Variants in OAF observed in about 807,000 individuals in gnomAD.
OAF encodes the protein out at first homolog.
In OAF, 13 loss-of-function variants were observed where a neutral mutation model predicts 22.5. The observed-to-expected ratio is 0.58, with a 90% CI of 0.38 to 0.92. OAF has a LOEUF of 0.92. Ranked by LOEUF, OAF falls within the 40% of genes least tolerant of loss-of-function variation. The probability of loss-of-function intolerance (pLI) is 0.00; values close to 1 mark genes in which losing one functional copy is unlikely to be tolerated. For synonymous variants in OAF, 175 were observed against 170.5 expected, an observed-to-expected ratio of 1.03 and a Z score of -0.21; for missense variants, 347 against 381.8, an observed-to-expected ratio of 0.91 and a Z score of 0.76.
rs530866177 is a variant in OAF, at chr11:120,227,336, G to A, written c.547+340G>A. On this transcript the variant is annotated intron_variant, in intron 3 of 3. Transcript: ENST00000328965. ...GGGAAGGCTTCCTGGAGGAAATGGA[G>A]CCTGTGTGATTATTCAGCGAGAAGA... Among the ~76,000 whole-genome samples the A allele has an allele frequency of 1.4e-3, 208 of 152,270 alleles. 2 individuals are homozygous for A. Among genetic ancestry groups the A allele is most frequent in the Non-Finnish European group, 3.1e-4 (21 of 68,008 alleles).
chr11:120,221,897 C>T (rs1400633723), intron 1 of OAF, among the ~76,000 whole-genome samples: 2 of 152,192 alleles, frequency 1.3e-5, no homozygotes, highest in East Asian at 3.9e-4. Flanking sequence ...GGACCCTATC[C>T]TGGGTCCTGA....
rs749433430 is a variant in OAF at position 120,226,882 on chromosome 11, G to A, written c.433G>A (p.Ala145Thr). The change falls in exon 3 of 4, where the codon GCT (alanine) becomes ACT (threonine). Residue 145 changes from alanine (A) to threonine (T), a missense_variant. Transcript: ENST00000328965. The stretch of plus-strand genomic sequence containing the variant: ...TCTGGAGCATCTGCACATGGATGTC[G>A]CTGTCAACTTCAGCCAGGGGGCCCT... ...RGLEHLHMDV[A>T]VNFSQGALLS... 1.9e-5 allele frequency: 30 copies of A among 1,612,390 alleles called. No homozygotes were observed. The highest frequency in any genetic ancestry group is 2.3e-5 in the Non-Finnish European group (27 of 1,178,902).
intron 2 of OAF, among the ~76,000 whole-genome samples, chr11:120,226,114 T>TC (rs1471593841): frequency 2.6e-5 from 4 of 152,150 alleles, no homozygotes; most frequent in Non-Finnish European, 5.9e-5. Context: ...CTCAGATTTC[T>TC]CCCATCTGGT....
chr11:120,227,659 C>A (rs1194165752), intron 3 of OAF, among the ~76,000 whole-genome samples: 1 of 152,162 alleles, frequency 6.6e-6, no homozygotes, highest in Non-Finnish European at 1.5e-5. Flanking sequence ...GCTGACCCCT[C>A]TCTGGGTACC....
chr11:120,213,378 A>T (rs1938175089), intron 1 of OAF, among the ~76,000 whole-genome samples: 1 of 152,102 alleles, frequency 6.6e-6, no homozygotes, highest in Non-Finnish European at 1.5e-5. Flanking sequence ...GAATCTCTAC[A>T]GTGGTTCAGA....
At chr11:120,214,492 T>A (rs1176468594) in intron 1 of OAF, among the ~76,000 whole-genome samples, 3 of 152,148 alleles carry the variant, frequency 2.0e-5, no homozygotes, top group Non-Finnish European at 4.4e-5. Context: ...CCTTGAGCTC[T>A]TCATCTTAAC....
chr11:120,225,664 G>A lies in OAF; in HGVS notation c.235G>A (p.Val79Met). 6.3e-7 allele frequency: 1 copy of A among 1,595,072 alleles called. No homozygotes were observed. Among genetic ancestry groups the A allele is most frequent in the Non-Finnish European group, 8.5e-7 (1 of 1,171,452 alleles). Residue 79 changes from valine to methionine, a missense_variant, in exon 2 of 4, where the codon GTG (valine) becomes ATG (methionine). Val to Met is a conservative substitution (Grantham distance 21). Coordinates refer to ENST00000328965, the MANE Select transcript of OAF (RefSeq NM_178507.4). ...CCATCCTCCTGCCCTTCTTCAGGAT[G>A]TGAAGGTCTTCCGGGCCCTGATCCT... ...VSFTADFKKDVKVFRALILGE... is the reference protein window; with the variant it reads ...VSFTADFKKDMKVFRALILGE...
intron 2 of OAF, 107 bp downstream of exon 2, chr11:120,225,902 C>T (rs1215107683): frequency 4.3e-6 from 4 of 937,280 alleles, no homozygotes; most frequent in East Asian, 2.7e-5. Context: ...AGACCCGACC[C>T]CTGCAGCCAG....
At position 120,211,145 on chromosome 11, in the gene OAF, C is replaced by A; in HGVS notation, c.-135C>A. On this transcript the variant is annotated 5_prime_UTR_variant, in exon 1 of 4. Transcript: ENST00000328965. ...TGCGTCCGCGCCACCTCGCGGGCGA[C>A]CCCGCGGCCAAGGCCCCCGGCGGAG... The A allele has an allele frequency of 2.9e-6, 1 of 342,070 alleles. No homozygotes were observed. Among genetic ancestry groups the A allele is most frequent in the Non-Finnish European group, 4.7e-6 (1 of 211,196 alleles). 21.2% of individuals were successfully genotyped at this position (342,070 alleles called of 1,614,324 possible). A position where few individuals can be genotyped will look rare whatever the true frequency, so the allele number is the denominator to read the frequency against.
At chr11:120,227,650 C>A (rs1452336727) in intron 3 of OAF, among the ~76,000 whole-genome samples, 1 of 152,166 alleles carries the variant, frequency 6.6e-6, no homozygotes, top group Non-Finnish European at 1.5e-5. Context: ...GACTTCAGCG[C>A]TGACCCCTCT....
chr11:120,219,725 C>CAA (rs1938257412), intron 1 of OAF, among the ~76,000 whole-genome samples: 1 of 152,198 alleles, frequency 6.6e-6, no homozygotes, highest in African/African-American at 2.4e-5. Flanking sequence ...TCACTGGACT[C>CAA]AGAGTCAGGA....
At chr11:120,211,561 G>T in intron 1 of OAF, 51 bp downstream of exon 1, 1 of 1,287,898 alleles carries the variant, frequency 7.8e-7, no homozygotes, top group Non-Finnish European at 1.0e-6. Context: ...GAGCCCCCCG[G>T]GATCCCAGGC....
chr11:120,228,825 T>TACCAAACC, intron 3 of OAF, 43 bp from the exon 4 acceptor site: 10 of 434,174 alleles, frequency 2.3e-5, no homozygotes, highest in East Asian at 5.5e-5. Flanking sequence ...GCTCCTTCCC[T>TACCAAACC]CCCTCCCTCC....
intron 1 of OAF, among the ~76,000 whole-genome samples, chr11:120,225,091 G>A (rs548320458): frequency 6.6e-6 from 1 of 152,246 alleles, no homozygotes; most frequent in East Asian, 1.9e-4. Context: ...CAGGCCGGAA[G>A]GCTGCAACAG....
chr11:120,217,255 GGAGCTGGGT>G (rs1253917721), intron 1 of OAF: 2 of 152,272 alleles, frequency 1.3e-5, no homozygotes, highest in African/African-American at 2.4e-5. Context: ...GGCCTCTTGG[GGAGCTGGGT>G]GAGGGGGATG....
intron 1 of OAF, chr11:120,213,797 G>A (rs1346019827): frequency 3.3e-5 from 5 of 152,194 alleles, no homozygotes; most frequent in Non-Finnish European, 7.3e-5. Flanking sequence ...ACTTCGGCTC[G>A]GTGTGGTGGC....
Position 120,211,132 on chromosome 11 carries a change from A to T in OAF, c.-148A>T. The T allele has an allele frequency of 3.5e-6, 1 of 282,006 alleles. No homozygotes were observed. The highest frequency in any genetic ancestry group is 6.1e-6 in the Non-Finnish European group (1 of 163,534). 17.5% of individuals were successfully genotyped at this position (282,006 alleles called of 1,614,324 possible). Reference sequence around the variant, plus strand: ...AGCGCTACCCACGTGCGTCCGCGCCACCTCGCGGGCGACCCCGCGGCCAAG... The same window carrying T: ...AGCGCTACCCACGTGCGTCCGCGCCTCCTCGCGGGCGACCCCGCGGCCAAG... On this transcript the variant is annotated 5_prime_UTR_variant, in exon 1 of 4. Transcript: ENST00000328965.
At chr11:120,223,291 A>G (rs113903603) in intron 1 of OAF, among the ~76,000 whole-genome samples, 6,766 of 152,242 alleles carry the variant, frequency 0.044, 497 homozygotes, top group African/African-American at 0.15. Context: ...GACTGTCTGG[A>G]TTAAGATCCT....
At chr11:120,219,987 G>A (rs1938259796) in intron 1 of OAF, among the ~76,000 whole-genome samples, 1 of 152,196 alleles carries the variant, frequency 6.6e-6, no homozygotes, top group Admixed American at 6.5e-5. Flanking sequence ...ACTAAGCATT[G>A]AGCCCCAGCT....
Sources: gnomAD v4.1 joint callset for allele counts (sites outside exome capture counted in the v4.1 genomes callset) on GRCh38, gnomAD v4.1.1 for gene constraint, MANE v1.5 for transcripts, NCBI Gene and HGNC (gene_info 2026-07-23, HGNC 2026-07-21) for gene names.